Variants in PDE3A observed in about 807,000 individuals in gnomAD.
PDE3A encodes phosphodiesterase 3A, also known as cGMP-inhibited 3',5'-cyclic phosphodiesterase 3A.
PDE3A carries 43 observed loss-of-function variants against 98.3 expected under a neutral mutation model. The observed-to-expected ratio is 0.44, with a 90% CI of 0.34 to 0.56. The LOEUF (loss-of-function observed/expected upper bound fraction) is 0.56. Ranked by LOEUF, PDE3A falls within the 20% of genes least tolerant of loss-of-function variation. The pLI, the probability that PDE3A is intolerant of heterozygous loss-of-function variation, is 0.01. For synonymous variants in PDE3A, 663 were observed against 567.9 expected, an observed-to-expected ratio of 1.17 and a Z score of -2.38; for missense variants, 1,427 against 1,440.7, an observed-to-expected ratio of 0.99 and a Z score of 0.15.
At chr12:20,482,735 CTA>C (rs1239668345) in intron 1 of PDE3A, among the ~76,000 whole-genome samples, 1 of 152,150 alleles carries the variant, frequency 6.6e-6, no homozygotes, top group African/African-American at 2.4e-5. Context: ...TCAAATGTCA[CTA>C]TGTTTTTGAA....
At chr12:20,555,835 T>G (rs1350085257) in intron 1 of PDE3A, among the ~76,000 whole-genome samples, 1 of 152,200 alleles carries the variant, frequency 6.6e-6, no homozygotes, top group Non-Finnish European at 1.5e-5. Context: ...GAACAGTTGT[T>G]TGTTGTTAAG....
intron 2 of PDE3A, among the ~76,000 whole-genome samples, chr12:20,581,282 C>G (rs1012333204): frequency 6.6e-6 from 1 of 152,158 alleles, no homozygotes; most frequent in African/African-American, 2.4e-5. Flanking sequence ...CCCAAATTCT[C>G]AGACTTTCAT....
intron 2 of PDE3A, among the ~76,000 whole-genome samples, chr12:20,563,189 A>G (rs1253469432): frequency 6.6e-6 from 1 of 152,162 alleles, no homozygotes; most frequent in Non-Finnish European, 1.5e-5. Context: ...ATACCTACTG[A>G]AGTTGATTAA....
At chr12:20,569,404 T>C (rs1026329511) in intron 2 of PDE3A, among the ~76,000 whole-genome samples, 3 of 152,140 alleles carry the variant, frequency 2.0e-5, no homozygotes, top group African/African-American at 4.8e-5. Flanking sequence ...TATTTATTTA[T>C]GAGGGAATTA....
At position 20,541,386 on chromosome 12, in the gene PDE3A, C is replaced by G. The variant is rs551590356; in HGVS notation, c.961-15274C>G. On this transcript the variant is annotated intron_variant, in intron 1 of 15. Transcript: ENST00000359062. Reference sequence around the variant, plus strand: ...TCTCAAAGTGCTGGGATTACAGGCACAAGCCACCATACCTACCCCTCTATT... The same window carrying G: ...TCTCAAAGTGCTGGGATTACAGGCAGAAGCCACCATACCTACCCCTCTATT... Among the ~76,000 whole-genome samples, 5 of 151,980 alleles carry G rather than the reference C, an allele frequency of 3.3e-5. No homozygotes were observed. In the South Asian group the frequency reaches 1.0e-3, roughly 32 times the overall value.
At chr12:20,666,825 C>T (rs1945327114) in intron 15 of PDE3A, among the ~76,000 whole-genome samples, 1 of 152,142 alleles carries the variant, frequency 6.6e-6, no homozygotes, top group African/African-American at 2.4e-5. Flanking sequence ...TATGGTAGTT[C>T]TCTTTTGAGA....
rs570462270 is a variant in PDE3A at position 20,527,447 on chromosome 12, G to T, written c.961-29213G>T. 2.0e-3 allele frequency among the ~76,000 whole-genome samples: 307 copies of T among 151,894 alleles called. 1 individual carries two copies. The highest frequency in any genetic ancestry group is 3.7e-3 in the Non-Finnish European group (249 of 67,934). On this transcript the variant is annotated intron_variant, in intron 1 of 15. Coordinates refer to ENST00000359062, the MANE Select transcript of PDE3A (RefSeq NM_000921.5). ...AATAATAGCAAAAACATTGTTTCTG[G>T]CATTCAGTGAGTGCCAGATAAATAG...
chr12:20,517,405 T>C (rs1268603686), intron 1 of PDE3A, among the ~76,000 whole-genome samples: 1 of 152,178 alleles, frequency 6.6e-6, no homozygotes. Flanking sequence ...ACTTTCCCTC[T>C]GAGTATATTT....
intron 8 of PDE3A, 93 bp from the exon 9 acceptor site, chr12:20,637,007 G>A (rs571304054): frequency 1.9e-5 from 15 of 771,136 alleles, no homozygotes; most frequent in South Asian, 8.8e-5. Flanking sequence ...ATTTATTTCC[G>A]ATAGCCACAG....
chr12:20,661,742 T>A (rs1180735826), intron 15 of PDE3A, among the ~76,000 whole-genome samples: 1 of 152,144 alleles, frequency 6.6e-6, no homozygotes. Flanking sequence ...CTGCCTATAT[T>A]TCAGAGGGTG....
At chr12:20,622,068 G>C (rs555403139) in intron 5 of PDE3A, among the ~76,000 whole-genome samples, 3 of 152,180 alleles carry the variant, frequency 2.0e-5, no homozygotes, top group East Asian at 3.9e-4. Flanking sequence ...AAATATCAAT[G>C]AGATTTTCAG....
At chr12:20,523,104 A>T (rs1411190678) in intron 1 of PDE3A, among the ~76,000 whole-genome samples, 1 of 152,116 alleles carries the variant, frequency 6.6e-6, no homozygotes, top group Non-Finnish European at 1.5e-5. Context: ...TGAAAATTCT[A>T]ATGAATGATA....
intron 15 of PDE3A, among the ~76,000 whole-genome samples, chr12:20,663,041 A>G (rs1036018862): frequency 6.6e-6 from 1 of 152,226 alleles, no homozygotes; most frequent in African/African-American, 2.4e-5. Flanking sequence ...TGTTTCAGCC[A>G]TGGCAGAAAG....
chr12:20,532,881 G>T (rs1378727593), intron 1 of PDE3A, among the ~76,000 whole-genome samples: 2 of 151,910 alleles, frequency 1.3e-5, no homozygotes, highest in Non-Finnish European at 2.9e-5. Flanking sequence ...GTAGAGACGG[G>T]GTTTCACCTT....
In PDE3A at chr12:20,386,065, TATATAAAATATATATAA is replaced by T. The variant is rs1270835517; in HGVS notation, c.960+15827_960+15843del. ...AAATATATATAAATATATATAAATA[TATATAAAATATATATAA>T]ATATATAAATATATATAAATATATA... On this transcript the variant is annotated intron_variant, in intron 1 of 15. Transcript: ENST00000359062. Among the ~76,000 whole-genome samples, 107 of 80,650 alleles carry T rather than the reference TATATAAAATATATATAA, an allele frequency of 1.3e-3. 4 individuals carry two copies. The highest frequency in any genetic ancestry group is 5.7e-3 in the African/African-American group (106 of 18,744). The allele number at this position is 80,650 out of a possible 152,430, so 52.9% of individuals were successfully genotyped here.
intron 1 of PDE3A, among the ~76,000 whole-genome samples, chr12:20,470,117 T>C (rs4762963): frequency 0.96 from 146,518 of 151,884 alleles, 70,708 homozygotes; most frequent in East Asian, 1. Flanking sequence ...TAGCAAAACT[T>C]GGATTGTTTT....
intron 1 of PDE3A, among the ~76,000 whole-genome samples, chr12:20,548,526 C>A (rs1050739828): frequency 6.6e-6 from 1 of 151,988 alleles, no homozygotes; most frequent in African/African-American, 2.4e-5. Context: ...TTTTTCCAGT[C>A]TCAATCTCTC....
chr12:20,633,294 G>A (rs959185993), intron 6 of PDE3A, among the ~76,000 whole-genome samples: 3 of 152,086 alleles, frequency 2.0e-5, no homozygotes, highest in Non-Finnish European at 4.4e-5. Flanking sequence ...CGACAGAAAG[G>A]TATTTATTGG....
At chr12:20,431,029 C>G (rs958313595) in intron 1 of PDE3A, among the ~76,000 whole-genome samples, 3 of 152,108 alleles carry the variant, frequency 2.0e-5, no homozygotes, top group African/African-American at 7.2e-5. Flanking sequence ...TAAAAAATCT[C>G]TATTCTATCC....
Sources: allele counts gnomAD v4.1 joint callset (sites outside exome capture counted in the v4.1 genomes callset), GRCh38; gene constraint gnomAD v4.1.1; transcripts MANE v1.5; gene names NCBI Gene and HGNC (gene_info 2026-07-23, HGNC 2026-07-21).